The following NREP variants were observed in gnomAD, a reference collection of about 807,000 sequenced individuals.
The protein encoded by NREP is neuronal regeneration-related protein.
NREP carries 5 observed loss-of-function variants against 8.6 expected under a neutral mutation model. The ratio of observed to expected loss-of-function variants is 0.58; its 90% CI spans 0.30 to 1.22. The LOEUF is 1.22. NREP is among the 50% of genes most tolerant of loss of function. NREP has a pLI of 0.07. For missense variants in NREP, 86 were observed against 82.5 expected, an observed-to-expected ratio of 1.04 and a Z score of -0.17; for synonymous variants, 27 against 28.0, an observed-to-expected ratio of 0.96 and a Z score of 0.11.
At chr5:111,967,027 T>C (rs1756661883) in intron 2 of NREP, among the ~76,000 whole-genome samples, 2 of 152,236 alleles carry the variant, frequency 1.3e-5, no homozygotes, top group South Asian at 4.1e-4. Context: ...GACATTTTTA[T>C]TTGTGCTGTT....
At chr5:111,790,789 G>A (rs1377708646) in intron 2 of NREP, among the ~76,000 whole-genome samples, 1 of 152,006 alleles carries the variant, frequency 6.6e-6, no homozygotes, top group African/African-American at 2.4e-5. Flanking sequence ...ATATTGTTGA[G>A]TACAAATGAC....
intron 2 of NREP, among the ~76,000 whole-genome samples, chr5:111,797,947 A>C (rs1195904705): frequency 1.3e-5 from 2 of 152,328 alleles, no homozygotes; most frequent in Non-Finnish European, 2.9e-5. Context: ...AACTGATAAG[A>C]AAACCCACCA....
intron 2 of NREP, among the ~76,000 whole-genome samples, chr5:111,784,085 G>A (rs1244710190): frequency 1.3e-5 from 2 of 152,258 alleles, no homozygotes; most frequent in African/African-American, 4.8e-5. Flanking sequence ...AGCAAGAAGA[G>A]GACTCTGCTC....
intron 2 of NREP, chr5:111,912,835 T>C (rs534302086): frequency 2.6e-5 from 4 of 152,080 alleles, no homozygotes; most frequent in Non-Finnish European, 5.9e-5. Flanking sequence ...GAATAGTTGG[T>C]TGTTTGATGA....
chr5:111,836,651 A>G (rs1752901858), intron 2 of NREP, among the ~76,000 whole-genome samples: 1 of 152,022 alleles, frequency 6.6e-6, no homozygotes, highest in Non-Finnish European at 1.5e-5. Flanking sequence ...AGAGCCCCAG[A>G]GAAGGGAGAG....
At chr5:111,875,327 A>G (rs190272349) in intron 2 of NREP, among the ~76,000 whole-genome samples, 2 of 152,148 alleles carry the variant, frequency 1.3e-5, no homozygotes, top group African/African-American at 4.8e-5. Flanking sequence ...TAGAAAATGC[A>G]TTTTACCAGA....
chr5:111,908,860 C>A (rs1036020858), intron 2 of NREP, among the ~76,000 whole-genome samples: 4 of 151,948 alleles, frequency 2.6e-5, no homozygotes, highest in Non-Finnish European at 4.4e-5. Context: ...TACTGCATTC[C>A]CTTTTCTCTG....
chr5:111,842,757 A>C (rs1442083015), intron 2 of NREP, among the ~76,000 whole-genome samples: 1 of 152,152 alleles, frequency 6.6e-6, no homozygotes, highest in Non-Finnish European at 1.5e-5. Context: ...AGGCAAGTTC[A>C]ATGGTAATGA....
intron 2 of NREP, among the ~76,000 whole-genome samples, chr5:111,787,286 G>A (rs971909531): frequency 4.6e-5 from 7 of 152,162 alleles, no homozygotes; most frequent in Admixed American, 3.9e-4. Flanking sequence ...ATGCCCAGTA[G>A]TTTGAAAGAG....
intron 2 of NREP, among the ~76,000 whole-genome samples, chr5:111,823,556 T>A (rs1222424843): frequency 3.9e-5 from 6 of 152,228 alleles, no homozygotes; most frequent in Non-Finnish European, 8.8e-5. Context: ...AAACATTACA[T>A]ATACCATAAT....
intron 2 of NREP, among the ~76,000 whole-genome samples, chr5:111,836,031 C>CT: frequency 6.6e-6 from 1 of 152,220 alleles, no homozygotes. Context: ...TTCCTGCAAT[C>CT]TGTGTGGTCA....
rs373603855 is a variant in NREP at position 111,976,689 on chromosome 5, A to G, written c.30+21T>C. On this transcript the variant is annotated intron_variant, in intron 1 of 3. Transcript: ENST00000395634. ...AAAATGTCCCCTCATATGCATACAC[A>G]GTAAGTTATTCTTCACATACCAAAG... 86 of 1,545,616 alleles carry G rather than the reference A, an allele frequency of 5.6e-5. 1 individual carries two copies. Among genetic ancestry groups the G allele is most frequent in the Non-Finnish European group, 6.7e-5 (77 of 1,142,036 alleles).
intron 2 of NREP, among the ~76,000 whole-genome samples, chr5:111,840,719 G>C (rs1380398182): frequency 1.3e-5 from 2 of 152,066 alleles, no homozygotes; most frequent in African/African-American, 2.4e-5. Flanking sequence ...TAAATACTAA[G>C]ATGAATCAGA....
At chr5:111,814,627 G>C (rs1237559177) in intron 2 of NREP, among the ~76,000 whole-genome samples, 1 of 152,158 alleles carries the variant, frequency 6.6e-6, no homozygotes, top group South Asian at 2.1e-4. Context: ...ACCAGGTACA[G>C]TGCTGACTAT....
At chr5:111,867,838 T>C (rs1251684081) in intron 2 of NREP, among the ~76,000 whole-genome samples, 1 of 152,132 alleles carries the variant, frequency 6.6e-6, no homozygotes, top group Admixed American at 6.6e-5. Flanking sequence ...GTAAAATTTA[T>C]ATAACAAAAA....
chr5:111,780,128 G>T (rs1751458999), intron 2 of NREP, among the ~76,000 whole-genome samples: 1 of 152,072 alleles, frequency 6.6e-6, no homozygotes, highest in Admixed American at 6.6e-5. Flanking sequence ...TGGGAATGGG[G>T]CATAATTTAT....
intron 2 of NREP, chr5:111,975,235 T>G (rs1423079271): frequency 3.4e-6 from 5 of 1,461,112 alleles, no homozygotes; most frequent in African/African-American, 1.4e-5. Flanking sequence ...TGAACTAGCT[T>G]AACAAACACG....
chr5:111,949,174 C>G (rs1049197189), intron 2 of NREP, among the ~76,000 whole-genome samples: 2 of 151,996 alleles, frequency 1.3e-5, no homozygotes, highest in African/African-American at 4.8e-5. Flanking sequence ...GCAATTAAAG[C>G]ATATTTATTG....
chr5:111,740,414 C>T (rs1432628024), intron 2 of NREP, among the ~76,000 whole-genome samples: 1 of 152,128 alleles, frequency 6.6e-6, no homozygotes, highest in African/African-American at 2.4e-5. Context: ...TATTCTATCA[C>T]AGCATACAAA....
Sources: allele counts gnomAD v4.1 joint callset (sites outside exome capture counted in the v4.1 genomes callset), GRCh38; gene constraint gnomAD v4.1.1; transcripts MANE v1.5; gene names NCBI Gene and HGNC (gene_info 2026-07-23, HGNC 2026-07-21).